Variants in LCLAT1 observed in about 807,000 individuals in gnomAD.
LCLAT1 encodes lysocardiolipin acyltransferase 1, also known as 1-AGP acyltransferase 8.
LCLAT1 carries 11 observed loss-of-function variants against 30.7 expected under a neutral mutation model. The ratio of observed to expected loss-of-function variants is 0.36; its 90% CI spans 0.23 to 0.59. LCLAT1 has a LOEUF of 0.59. Ranked by LOEUF, LCLAT1 falls within the 20% of genes least tolerant of loss-of-function variation. The pLI is 0.77. For synonymous variants in LCLAT1, 155 were observed against 151.3 expected (o/e 1.02, Z -0.18); for missense variants, 402 against 458.6 (o/e 0.88, Z 1.13).
intron 3 of LCLAT1, among the ~76,000 whole-genome samples, chr2:30,546,852 G>A (rs896305329): frequency 1.3e-5 from 2 of 151,952 alleles, no homozygotes; most frequent in African/African-American, 4.8e-5. Context: ...AGTTTGGTGG[G>A]TTCTTTTTTT....
At chr2:30,479,142 C>A (rs185466192) in intron 1 of LCLAT1, among the ~76,000 whole-genome samples, 128 of 152,252 alleles carry the variant, frequency 8.4e-4, no homozygotes, top group African/African-American at 3.1e-3. Flanking sequence ...ACAATTGTGG[C>A]ACTTACTTAT....
At chr2:30,500,653 T>C (rs912388062) in intron 1 of LCLAT1, among the ~76,000 whole-genome samples, 3 of 152,208 alleles carry the variant, frequency 2.0e-5, no homozygotes, top group Non-Finnish European at 2.9e-5. Context: ...TGAGTCATTG[T>C]GGGTAAACTA....
Position 30,643,279 on chromosome 2 carries a change from TAAAG to T in LCLAT1, c.*2661_*2664del, listed in dbSNP as rs1308474433. ...TTAAATGTACCATTCTGAACGATGT[TAAAG>T]CAAGTGTGGTTTATTTATGGCATGA... On this transcript the variant is annotated 3_prime_UTR_variant, in exon 6 of 6. Coordinates refer to ENST00000379509, the MANE Select transcript of LCLAT1 (RefSeq NM_001002257.3). 3.1e-5 allele frequency: 3 copies of T among 95,706 alleles called. No homozygotes were observed. Among genetic ancestry groups the T allele is most frequent in the African/African-American group, 8.9e-5 (2 of 22,382 alleles). 5.9% of individuals were successfully genotyped at this position (95,706 alleles called of 1,614,324 possible). A position where few individuals can be genotyped will look rare whatever the true frequency, so the allele number is the denominator to read the frequency against.
intron 3 of LCLAT1, among the ~76,000 whole-genome samples, chr2:30,535,516 C>T (rs1338063842): frequency 6.6e-6 from 1 of 152,162 alleles, no homozygotes; most frequent in Admixed American, 6.5e-5. Flanking sequence ...CAGCTGCAGC[C>T]TAGGCCAGTG....
chr2:30,570,117 A>C (rs1665717195), intron 5 of LCLAT1, among the ~76,000 whole-genome samples: 1 of 152,178 alleles, frequency 6.6e-6, no homozygotes, highest in Admixed American at 6.5e-5. Context: ...CTCTTTTGAA[A>C]TCTGGAAAAT....
chr2:30,452,720 T>C (rs969761496), intron 1 of LCLAT1, among the ~76,000 whole-genome samples: 1 of 152,218 alleles, frequency 6.6e-6, no homozygotes, highest in Admixed American at 6.5e-5. Flanking sequence ...GAGGCACTAA[T>C]TGCTATTGGC....
At chr2:30,503,161 G>C (rs749473540) in intron 1 of LCLAT1, among the ~76,000 whole-genome samples, 1 of 152,170 alleles carries the variant, frequency 6.6e-6, no homozygotes, top group Admixed American at 6.5e-5. Flanking sequence ...ATAAACTGTC[G>C]TGGCGCTGGT....
At chr2:30,537,130 C>A (rs1327699106) in intron 3 of LCLAT1, among the ~76,000 whole-genome samples, 3 of 152,210 alleles carry the variant, frequency 2.0e-5, no homozygotes, top group Non-Finnish European at 4.4e-5. Flanking sequence ...GCCTGTAATC[C>A]CAGCACTTTG....
rs146876000 is a variant in LCLAT1, at chr2:30,569,637, T to G, written c.628+1461T>G. Among the ~76,000 whole-genome samples the G allele has an allele frequency of 2.3e-4, 35 of 152,326 alleles. No individual in the cohort carries two copies. The East Asian group carries it at 6.2e-3, about 27-fold the overall frequency. Reference sequence around the variant, plus strand: ...GTTCTTTCCCTAAATGGCATCACTGTTGTTCTCTTTAGGATTTAATATACT... The same window carrying G: ...GTTCTTTCCCTAAATGGCATCACTGGTGTTCTCTTTAGGATTTAATATACT... On this transcript the variant is annotated intron_variant, in intron 5 of 5. Transcript: ENST00000379509.
chr2:30,570,453 G>A (rs1416765661), intron 5 of LCLAT1, among the ~76,000 whole-genome samples: 2 of 152,176 alleles, frequency 1.3e-5, no homozygotes, highest in African/African-American at 4.8e-5. Flanking sequence ...ATTATGCTGT[G>A]TGTTTTATGC....
At chr2:30,599,050 T>C (rs1667061060) in intron 5 of LCLAT1, among the ~76,000 whole-genome samples, 2 of 151,850 alleles carry the variant, frequency 1.3e-5, no homozygotes, top group African/African-American at 4.8e-5. Flanking sequence ...TGGCGTGATC[T>C]CGGCTCACTG....
chr2:30,535,939 A>G (rs756248794), intron 3 of LCLAT1, among the ~76,000 whole-genome samples: 5 of 152,160 alleles, frequency 3.3e-5, no homozygotes, highest in African/African-American at 7.2e-5. Flanking sequence ...CATGATCTCA[A>G]TGAGAAATTC....
At chr2:30,456,012 G>T (rs1482226316) in intron 1 of LCLAT1, among the ~76,000 whole-genome samples, 4 of 151,260 alleles carry the variant, frequency 2.6e-5, no homozygotes, top group African/African-American at 9.7e-5. Context: ...AACATTGGTA[G>T]AATTCTTTAA....
At chr2:30,503,187 T>C (rs1684482447) in intron 1 of LCLAT1, among the ~76,000 whole-genome samples, 1 of 152,182 alleles carries the variant, frequency 6.6e-6, no homozygotes, top group South Asian at 2.1e-4. Context: ...TGTCTTATGC[T>C]AATGGACAAT....
chr2:30,454,283 C>T (rs571871820), intron 1 of LCLAT1, among the ~76,000 whole-genome samples: 9 of 152,090 alleles, frequency 5.9e-5, no homozygotes, highest in Non-Finnish European at 1.3e-4. Context: ...TCCATTATAT[C>T]ATTTCAAAAT....
At chr2:30,562,320 A>G in intron 4 of LCLAT1, 28 bp downstream of exon 4, 2 of 1,560,994 alleles carry the variant, frequency 1.3e-6, no homozygotes, top group Non-Finnish European at 1.7e-6. Context: ...TGGCAAAGTT[A>G]GAAATCATGT....
chr2:30,501,710 T>C (rs753272490), intron 1 of LCLAT1, among the ~76,000 whole-genome samples: 1 of 152,072 alleles, frequency 6.6e-6, no homozygotes, highest in Non-Finnish European at 1.5e-5. Context: ...ATATGAAACA[T>C]GAAGGAAAGC....
intron 5 of LCLAT1, among the ~76,000 whole-genome samples, chr2:30,608,071 A>G (rs536803032): frequency 6.6e-6 from 1 of 152,176 alleles, no homozygotes; most frequent in South Asian, 2.1e-4. Context: ...CTGTAATCCC[A>G]GCACTTTGGG....
In LCLAT1 at chr2:30,502,313, G is replaced by A. The variant is rs114826471; in HGVS notation, c.-4-23274G>A. 6.5e-3 allele frequency among the ~76,000 whole-genome samples: 985 copies of A among 152,152 alleles called. 15 individuals carry two copies. The highest frequency in any genetic ancestry group is 0.023 in the African/African-American group (935 of 41,516). ...CATTCATGACTTCCAGGGCAGAAGT[G>A]GTTAGTTATTCATGTCTTGATAATC... is the stretch of plus-strand genomic sequence containing the variant. On this transcript the variant is annotated intron_variant, in intron 1 of 5. Transcript: ENST00000379509.
Sources: allele counts gnomAD v4.1 joint callset (sites outside exome capture counted in the v4.1 genomes callset), GRCh38; gene constraint gnomAD v4.1.1; transcripts MANE v1.5; gene names NCBI Gene and HGNC (gene_info 2026-07-23, HGNC 2026-07-21).